Variants in GLRA3 observed in about 807,000 individuals in gnomAD.
The protein encoded by GLRA3 is glycine receptor alpha 3, also known as glycine receptor subunit alpha-3.
In GLRA3, 44 loss-of-function variants were observed where a neutral mutation model predicts 60.4. That is an observed-to-expected ratio of 0.73 (90% CI 0.57 to 0.94). GLRA3 has a LOEUF of 0.94. GLRA3 is among the 40% of genes least tolerant of loss of function. The pLI, the probability that GLRA3 is intolerant of heterozygous loss-of-function variation, is 0.00. For missense variants in GLRA3, 508 were observed against 564.6 expected, an observed-to-expected ratio of 0.90 and a Z score of 1.02; for synonymous variants, 223 against 192.9, an observed-to-expected ratio of 1.16 and a Z score of -1.29.
At chr4:174,825,259 CAATATCTTACATAGAAA>C (rs1740921198) in intron 1 of GLRA3, among the ~76,000 whole-genome samples, 1 of 151,880 alleles carries the variant, frequency 6.6e-6, no homozygotes, top group African/African-American at 2.4e-5. Context: ...TAGTTTTCTT[CAATATCTTACATAGAAA>C]AATAGAGACA....
chr4:174,664,462 C>T (rs1179228227), intron 7 of GLRA3, among the ~76,000 whole-genome samples: 1 of 152,146 alleles, frequency 6.6e-6, no homozygotes, highest in Non-Finnish European at 1.5e-5. Context: ...CAGCTCCCCT[C>T]TCTTCTCATT....
At chr4:174,817,095 A>T (rs962540139) in intron 1 of GLRA3, among the ~76,000 whole-genome samples, 1 of 152,160 alleles carries the variant, frequency 6.6e-6, no homozygotes, top group Non-Finnish European at 1.5e-5. Flanking sequence ...CATCCTTTAG[A>T]GATGCTTCCA....
intron 4 of GLRA3, among the ~76,000 whole-genome samples, chr4:174,717,213 T>TAA (rs542669937): frequency 9.4e-6 from 1 of 106,026 alleles, no homozygotes; most frequent in Non-Finnish European, 1.8e-5. Context: ...TCTTGTCTCT[T>TAA]AAAAAAAAAA....
chr4:174,690,878 T>A (rs548784180), intron 5 of GLRA3, among the ~76,000 whole-genome samples: 15 of 152,334 alleles, frequency 9.8e-5, no homozygotes, highest in African/African-American at 3.4e-4. Context: ...CCCTTTTCTA[T>A]ATGTACCACA....
At chr4:174,788,717 G>T in intron 2 of GLRA3, 99 bp downstream of exon 2, 2 of 665,852 alleles carry the variant, frequency 3.0e-6, no homozygotes, top group Non-Finnish European at 4.5e-6. Flanking sequence ...GAAGATTGTT[G>T]AAAATAAGCA....
At chr4:174,695,476 A>G (rs1315437853) in intron 5 of GLRA3, among the ~76,000 whole-genome samples, 1 of 152,164 alleles carries the variant, frequency 6.6e-6, no homozygotes, top group African/African-American at 2.4e-5. Flanking sequence ...AAACAGAACA[A>G]AAGACAAAAA....
At chr4:174,821,739 G>A (rs1269825541) in intron 1 of GLRA3, among the ~76,000 whole-genome samples, 4 of 152,024 alleles carry the variant, frequency 2.6e-5, no homozygotes, top group Non-Finnish European at 5.9e-5. Context: ...TTTTCATGGG[G>A]CAAAGAACCA....
chr4:174,660,179 C>T (rs549508834), intron 7 of GLRA3, among the ~76,000 whole-genome samples: 1 of 152,136 alleles, frequency 6.6e-6, no homozygotes, highest in South Asian at 2.1e-4. Context: ...AATCCTACCA[C>T]CTAATCCTTA....
intron 3 of GLRA3, among the ~76,000 whole-genome samples, chr4:174,740,429 T>TCA (rs1412666419): frequency 6.6e-6 from 1 of 152,126 alleles, no homozygotes; most frequent in Non-Finnish European, 1.5e-5. Flanking sequence ...CCAGGCTTCC[T>TCA]CACCAAGACA....
chr4:174,759,563 A>G (rs1196470498), intron 3 of GLRA3, among the ~76,000 whole-genome samples: 1 of 152,116 alleles, frequency 6.6e-6, no homozygotes, highest in African/African-American at 2.4e-5. Flanking sequence ...GAATTTGACA[A>G]GATAATTCTA....
chr4:174,650,413 T>C (rs1461362768), intron 9 of GLRA3, among the ~76,000 whole-genome samples: 1 of 152,104 alleles, frequency 6.6e-6, no homozygotes, highest in Non-Finnish European at 1.5e-5. Context: ...AAAACACACA[T>C]AGACTGGAGT....
chr4:174,702,095 A>C (rs1735342249), intron 5 of GLRA3, among the ~76,000 whole-genome samples: 2 of 152,212 alleles, frequency 1.3e-5, no homozygotes, highest in African/African-American at 4.8e-5. Flanking sequence ...CACATACTAC[A>C]GACAAATGTT....
rs1736897994 is a variant in GLRA3, at chr4:174,738,811, CTG to C, written c.268-10115_268-10114del. Among the ~76,000 whole-genome samples the C allele has an allele frequency of 3.3e-5, 5 of 152,344 alleles. No homozygotes were observed. The South Asian group carries it at 1.0e-3, about 32-fold the overall frequency. ...GTGTATTGTAGGACAAGAACAACAA[CTG>C]AGATCTCACTGCTTTTCATTCAGGC... On this transcript the variant is annotated intron_variant, in intron 3 of 9. Transcript: ENST00000274093.
intron 5 of GLRA3, among the ~76,000 whole-genome samples, chr4:174,692,461 G>A (rs1460587845): frequency 2.4e-4 from 36 of 151,288 alleles, no homozygotes; most frequent in Middle Eastern, 3.4e-3. Context: ...CACTGAGAAC[G>A]GGCCATGATG....
At chr4:174,824,021 A>G (rs751232223) in intron 1 of GLRA3, among the ~76,000 whole-genome samples, 5 of 152,106 alleles carry the variant, frequency 3.3e-5, no homozygotes, top group Non-Finnish European at 1.5e-5. Flanking sequence ...TCTTTGCACC[A>G]CAGTATACTC....
At chr4:174,719,130 A>T (rs1449606504) in intron 4 of GLRA3, among the ~76,000 whole-genome samples, 4 of 150,440 alleles carry the variant, frequency 2.7e-5, no homozygotes, top group African/African-American at 2.4e-5. Context: ...CGCCCGGCTA[A>T]TTTTTTGTAT....
Position 174,801,052 on chromosome 4 carries a change from C to T in GLRA3, c.72-12109G>A, listed in dbSNP as rs185303959. Among the ~76,000 whole-genome samples the T allele has an allele frequency of 1.9e-3, 292 of 152,092 alleles. 1 individual carries two copies. Among genetic ancestry groups the T allele is most frequent in the African/African-American group, 6.5e-3 (271 of 41,516 alleles). ...GTACTCAGCATGTTTAAGGTAGAGTCGGCTAAACTATGATGTGCAGTAGCT... is the reference window on the plus strand; with the variant it reads ...GTACTCAGCATGTTTAAGGTAGAGTTGGCTAAACTATGATGTGCAGTAGCT... On this transcript the variant is annotated intron_variant, in intron 1 of 9. Coordinates refer to ENST00000274093, the MANE Select transcript of GLRA3 (RefSeq NM_006529.4).
intron 5 of GLRA3, among the ~76,000 whole-genome samples, chr4:174,711,853 T>G (rs1177215178): frequency 2.0e-5 from 3 of 152,208 alleles, no homozygotes; most frequent in African/African-American, 7.2e-5. Context: ...CAGATATACA[T>G]TTTTTCATTT....
chr4:174,650,265 T>A (rs1732980149), intron 9 of GLRA3, among the ~76,000 whole-genome samples: 2 of 152,210 alleles, frequency 1.3e-5, no homozygotes, highest in African/African-American at 4.8e-5. Context: ...TGGATTTCTG[T>A]TGGCCCCACT....
Sources: gnomAD v4.1 joint callset for allele counts (sites outside exome capture counted in the v4.1 genomes callset) on GRCh38, gnomAD v4.1.1 for gene constraint, MANE v1.5 for transcripts, NCBI Gene and HGNC (gene_info 2026-07-23, HGNC 2026-07-21) for gene names.